The following C12orf42 variants were observed in gnomAD, a reference collection of about 807,000 sequenced individuals.
C12orf42 encodes the protein chromosome 12 open reading frame 42.
A neutral mutation model predicts 21.6 loss-of-function variants in C12orf42; 25 were observed. That is an observed-to-expected ratio of 1.16 (90% CI 0.84 to 1.62). C12orf42 has a LOEUF of 1.62. Ranked by LOEUF, C12orf42 falls within the 40% of genes most tolerant of loss-of-function variation. The pLI is 0.00. For synonymous variants in C12orf42, 174 were observed against 175.0 expected (o/e 0.99, Z 0.05); for missense variants, 483 against 459.3 (o/e 1.05, Z -0.47).
intron 4 of C12orf42, among the ~76,000 whole-genome samples, chr12:103,307,057 C>T (rs780970869): frequency 5.9e-5 from 9 of 152,140 alleles, no homozygotes; most frequent in Non-Finnish European, 1.2e-4. Context: ...AGCACAGACC[C>T]GTGAACACCT....
chr12:103,295,958 C>T (rs181038271), intron 4 of C12orf42, among the ~76,000 whole-genome samples: 64 of 151,544 alleles, frequency 4.2e-4, no homozygotes, highest in Non-Finnish European at 4.4e-5. Context: ...TGGTGTGCTG[C>T]ACCCATTAAC....
At chr12:103,358,894 G>A (rs957336673) in intron 4 of C12orf42, among the ~76,000 whole-genome samples, 2 of 151,984 alleles carry the variant, frequency 1.3e-5, no homozygotes, top group Non-Finnish European at 2.9e-5. Context: ...AAGTGGTACA[G>A]CTCTACCTAA....
the C12orf42 span, among the ~76,000 whole-genome samples, chr12:103,229,181 G>A: frequency 1.3e-5 from 2 of 152,136 alleles, no homozygotes. Flanking sequence ...TTTCTTCATT[G>A]TAATTCTCCA....
At chr12:103,410,345 T>A (rs1327330882) in intron 2 of C12orf42, among the ~76,000 whole-genome samples, 1 of 152,244 alleles carries the variant, frequency 6.6e-6, no homozygotes, top group Non-Finnish European at 1.5e-5. Flanking sequence ...ATCCATTTAA[T>A]CTCTATGCTT....
chr12:103,062,598 T>C, the C12orf42 span, among the ~76,000 whole-genome samples: 87 of 152,256 alleles, frequency 5.7e-4, no homozygotes, highest in Non-Finnish European at 1.0e-3. Context: ...TTATTTCTAA[T>C]GACAAAACCA....
At chr12:103,491,871 C>T (rs779818323) in intron 1 of C12orf42, among the ~76,000 whole-genome samples, 1 of 152,150 alleles carries the variant, frequency 6.6e-6, no homozygotes. Flanking sequence ...TTCTATGAGC[C>T]AGGACTCTGA....
chr12:103,067,889 C>T, the C12orf42 span, among the ~76,000 whole-genome samples: 3,429 of 152,220 alleles, frequency 0.023, 58 homozygotes, highest in African/African-American at 0.044. Context: ...ACAACAGAGG[C>T]AAGGAAAAGA....
In C12orf42 at chr12:103,453,936, C is replaced by T. The variant is rs563104191; in HGVS notation, c.78+24413G>A. Among the ~76,000 whole-genome samples, 136 of 152,112 alleles carry T rather than the reference C, an allele frequency of 8.9e-4. 3 individuals carry two copies. The South Asian group carries it at 0.028, about 31-fold the overall frequency. On this transcript the variant is annotated intron_variant, in intron 2 of 5. Coordinates refer to ENST00000548883, the MANE Select transcript of C12orf42 (RefSeq NM_198521.5). ...TAAGCACTTAGAGGCAGGACAGACCCAATAAAAAGAGAGAAAACACCAATT... is the reference window on the plus strand; with the variant it reads ...TAAGCACTTAGAGGCAGGACAGACCTAATAAAAAGAGAGAAAACACCAATT...
chr12:103,200,420 C>T, the C12orf42 span, among the ~76,000 whole-genome samples: 1 of 151,910 alleles, frequency 6.6e-6, no homozygotes, highest in East Asian at 1.9e-4. Context: ...TATTATAGCA[C>T]CTAAAGTTAA....
chr12:103,055,437 G>A, the C12orf42 span, among the ~76,000 whole-genome samples: 1 of 151,788 alleles, frequency 6.6e-6, no homozygotes, highest in South Asian at 2.1e-4. Flanking sequence ...GGTAATTTTT[G>A]TCTTCTCTCT....
the C12orf42 span, among the ~76,000 whole-genome samples, chr12:103,092,191 A>G: frequency 6.6e-6 from 1 of 152,222 alleles, no homozygotes; most frequent in African/African-American, 2.4e-5. Context: ...CCTCTCAGCC[A>G]TAAGTCTTAG....
At chr12:103,524,128 T>G in the C12orf42 span, among the ~76,000 whole-genome samples, 1 of 152,214 alleles carries the variant, frequency 6.6e-6, no homozygotes, top group African/African-American at 2.4e-5. Context: ...TAGCTTCTTT[T>G]CACAGCCCCT....
chr12:103,190,411 C>T, the C12orf42 span, among the ~76,000 whole-genome samples: 1 of 152,258 alleles, frequency 6.6e-6, no homozygotes, highest in East Asian at 1.9e-4. Flanking sequence ...ACAACATCTC[C>T]ACTGACACAC....
At chr12:103,252,120 C>G (rs1044967139) in intron 10 of C12orf42, among the ~76,000 whole-genome samples, 1 of 151,718 alleles carries the variant, frequency 6.6e-6, no homozygotes, top group Non-Finnish European at 1.5e-5. Context: ...TCTCTCCCCC[C>G]AAAAATTCTT....
chr12:103,069,181 T>C, the C12orf42 span, among the ~76,000 whole-genome samples: 3 of 151,462 alleles, frequency 2.0e-5, no homozygotes, highest in African/African-American at 7.3e-5. Context: ...TTAACCTCAA[T>C]TGCTGAATTT....
chr12:103,363,164 A>G (rs1363325351), intron 4 of C12orf42, among the ~76,000 whole-genome samples: 1 of 152,176 alleles, frequency 6.6e-6, no homozygotes, highest in Non-Finnish European at 1.5e-5. Flanking sequence ...CAGAAACCTG[A>G]CAAGCCAGAA....
chr12:103,069,631 A>G, the C12orf42 span, among the ~76,000 whole-genome samples: 6 of 152,224 alleles, frequency 3.9e-5, no homozygotes, highest in Non-Finnish European at 8.8e-5. Context: ...ACACCACTGT[A>G]AAGTCTAAAG....
intron 4 of C12orf42, among the ~76,000 whole-genome samples, chr12:103,330,317 T>A (rs2041134179): frequency 3.3e-5 from 5 of 152,244 alleles, no homozygotes; most frequent in Admixed American, 3.3e-4. Context: ...TAAATGCCAC[T>A]AATAATTGTC....
chr12:103,067,551 T>C, the C12orf42 span, among the ~76,000 whole-genome samples: 2 of 152,112 alleles, frequency 1.3e-5, no homozygotes, highest in African/African-American at 4.8e-5. Flanking sequence ...GTTTCTCCCA[T>C]AGCCAGGATA....
Sources: allele counts gnomAD v4.1 joint callset (sites outside exome capture counted in the v4.1 genomes callset), GRCh38; gene constraint gnomAD v4.1.1; transcripts MANE v1.5; gene names NCBI Gene and HGNC (gene_info 2026-07-23, HGNC 2026-07-21).